Variants in LRBA observed in about 807,000 individuals in gnomAD.
LRBA encodes the protein LPS responsive beige-like anchor protein.
In LRBA, 176 loss-of-function variants were observed where a neutral mutation model predicts 330.0. The ratio of observed to expected loss-of-function variants is 0.53; its 90% CI spans 0.47 to 0.60. LRBA has a LOEUF of 0.60. LRBA is among the 20% of genes least tolerant of loss of function. The pLI, the probability that LRBA is intolerant of heterozygous loss-of-function variation, is 0.00. For synonymous variants in LRBA, 1,230 were observed against 1,193.0 expected, an observed-to-expected ratio of 1.03 and a Z score of -0.64; for missense variants, 3,259 against 3,444.8, an observed-to-expected ratio of 0.95 and a Z score of 1.35.
chr4:150,523,481 C>A (rs1264914668), intron 40 of LRBA, among the ~76,000 whole-genome samples: 1 of 152,118 alleles, frequency 6.6e-6, no homozygotes, highest in Non-Finnish European at 1.5e-5. Flanking sequence ...AATTCCCAGA[C>A]ACCAGAACTA....
intron 40 of LRBA, among the ~76,000 whole-genome samples, chr4:150,511,100 C>CAAA (rs1761782738): frequency 6.6e-6 from 1 of 152,264 alleles, no homozygotes; most frequent in African/African-American, 2.4e-5. Flanking sequence ...TCAGGTCATC[C>CAAA]TCCGGCCTTG....
intron 38 of LRBA, among the ~76,000 whole-genome samples, chr4:150,592,970 C>A (rs951433531): frequency 2.6e-5 from 4 of 151,916 alleles, no homozygotes; most frequent in Non-Finnish European, 5.9e-5. Flanking sequence ...AATATACTTA[C>A]AATTAACCAA....
chr4:150,759,769 C>T (rs1435321122), intron 35 of LRBA, among the ~76,000 whole-genome samples: 2 of 151,920 alleles, frequency 1.3e-5, no homozygotes, highest in Non-Finnish European at 2.9e-5. Flanking sequence ...CTGTATCCTC[C>T]GTAGCAAGAA....
At position 150,683,737 on chromosome 4, in the gene LRBA, A is replaced by G. The variant is rs1783260669; in HGVS notation, c.5755-20T>C. ...CAGTGACTTGGAGAGAAAAAAAAAT[A>G]ATACTATAAAAAATGTGAAAAAAAC... On this transcript the variant is annotated intron_variant, in intron 36 of 56. Coordinates refer to ENST00000651943, the MANE Select transcript of LRBA (RefSeq NM_001364905.1). 3 of 1,527,220 alleles carry G rather than the reference A, an allele frequency of 2.0e-6. No individual in the cohort carries two copies. Among genetic ancestry groups the G allele is most frequent in the Non-Finnish European group, 2.7e-6 (3 of 1,125,006 alleles). 94.6% of individuals were successfully genotyped at this position (1,527,220 alleles called of 1,614,324 possible).
chr4:150,568,144 A>G (rs1428578221), intron 40 of LRBA, among the ~76,000 whole-genome samples: 2 of 152,150 alleles, frequency 1.3e-5, no homozygotes, highest in African/African-American at 2.4e-5. Flanking sequence ...CGTCTCTACA[A>G]TAAATAAATA....
chr4:150,706,190 C>T (rs1785601309), intron 36 of LRBA, among the ~76,000 whole-genome samples: 1 of 151,706 alleles, frequency 6.6e-6, no homozygotes, highest in African/African-American at 2.4e-5. Flanking sequence ...GAACATAGAC[C>T]TATTAGTATC....
At chr4:150,296,959 A>G (rs577249159) in intron 53 of LRBA, among the ~76,000 whole-genome samples, 2 of 151,600 alleles carry the variant, frequency 1.3e-5, no homozygotes, top group South Asian at 2.1e-4. Flanking sequence ...AAGCAGAAGA[A>G]TCCTACGTTT....
chr4:150,596,407 A>C (rs1253837157), intron 38 of LRBA, among the ~76,000 whole-genome samples: 1 of 151,910 alleles, frequency 6.6e-6, no homozygotes, highest in Non-Finnish European at 1.5e-5. Context: ...TTCTATTTAG[A>C]TGTCTTCCTT....
At chr4:150,677,229 CACAAA>C (rs1278075336) in intron 37 of LRBA, among the ~76,000 whole-genome samples, 1 of 152,010 alleles carries the variant, frequency 6.6e-6, no homozygotes, top group African/African-American at 2.4e-5. Flanking sequence ...ATAATCTACA[CACAAA>C]ACAAAGAAAT....
chr4:150,553,084 A>G (rs1479874769), intron 40 of LRBA, among the ~76,000 whole-genome samples: 1 of 151,976 alleles, frequency 6.6e-6, no homozygotes, highest in Admixed American at 6.5e-5. Flanking sequence ...AAAAAAGAAA[A>G]AAAGAAAAAA....
chr4:150,906,254 C>T (rs1247627522), intron 12 of LRBA, 43 bp downstream of exon 12: 3 of 1,236,058 alleles, frequency 2.4e-6, no homozygotes, highest in African/African-American at 3.0e-5. Flanking sequence ...AATGTATGGC[C>T]TGTAAATTAA....
At chr4:150,823,907 C>T (rs1745841444) in intron 30 of LRBA, among the ~76,000 whole-genome samples, 1 of 151,960 alleles carries the variant, frequency 6.6e-6, no homozygotes, top group South Asian at 2.1e-4. Context: ...ATAGCTTTGG[C>T]TATTCTGAGT....
At chr4:150,617,823 C>T (rs1229840288) in intron 37 of LRBA, among the ~76,000 whole-genome samples, 5 of 152,170 alleles carry the variant, frequency 3.3e-5, no homozygotes, top group South Asian at 4.1e-4. Context: ...ATGCACTGTT[C>T]GGCTAAGCAC....
Position 150,325,911 on chromosome 4 carries a change from G to A in LRBA, c.7363-13C>T, listed in dbSNP as rs1733191223. 1 of 1,535,964 alleles carries A rather than the reference G, an allele frequency of 6.5e-7. No homozygotes were observed. The highest frequency in any genetic ancestry group is 2.3e-5 in the East Asian group (1 of 44,406). ...GAGCTTCAACAGCCTGAAAAGGGCAGGGGCAAGTCTGAAGGTTAAGAGGTG... is the reference window on the plus strand; with the variant it reads ...GAGCTTCAACAGCCTGAAAAGGGCAAGGGCAAGTCTGAAGGTTAAGAGGTG... On this transcript the variant is annotated splice_polypyrimidine_tract_variant and intron_variant, in intron 48 of 56. Transcript: ENST00000651943.
At chr4:150,766,827 C>T (rs1263891352) in intron 34 of LRBA, among the ~76,000 whole-genome samples, 1 of 152,136 alleles carries the variant, frequency 6.6e-6, no homozygotes, top group Non-Finnish European at 1.5e-5. Context: ...TTTCAAAACA[C>T]ATTTCAGCAC....
At chr4:150,448,825 G>C (rs1294707823) in intron 44 of LRBA, among the ~76,000 whole-genome samples, 3 of 14,934 alleles carry the variant, frequency 2.0e-4, no homozygotes, top group Middle Eastern at 0.038. Context: ...AAAAAAAAGG[G>C]GGGGGGGGTG....
intron 53 of LRBA, among the ~76,000 whole-genome samples, chr4:150,292,788 AAATTAT>A (rs1728479618): frequency 1.3e-5 from 2 of 152,174 alleles, no homozygotes; most frequent in Non-Finnish European, 2.9e-5. Flanking sequence ...ATAAACCTGC[AAATTAT>A]AATTATAAAT....
chr4:150,437,994 T>C (rs1385500815), intron 44 of LRBA, among the ~76,000 whole-genome samples: 1 of 152,210 alleles, frequency 6.6e-6, no homozygotes, highest in Non-Finnish European at 1.5e-5. Context: ...CATGTACATA[T>C]CCTTACAAAG....
chr4:150,773,388 A>G (rs747333562), intron 34 of LRBA, among the ~76,000 whole-genome samples: 38 of 152,252 alleles, frequency 2.5e-4, no homozygotes, highest in Non-Finnish European at 4.6e-4. Flanking sequence ...GGCATTTGTC[A>G]CGTCTATTAG....
Sources: gnomAD v4.1 joint callset for allele counts (sites outside exome capture counted in the v4.1 genomes callset) on GRCh38, gnomAD v4.1.1 for gene constraint, MANE v1.5 for transcripts, NCBI Gene and HGNC (gene_info 2026-07-23, HGNC 2026-07-21) for gene names.